The following KCNQ2 variants were observed in gnomAD, a reference collection of about 807,000 sequenced individuals.
KCNQ2 encodes potassium voltage-gated channel subfamily KQT member 2.
Under a neutral mutation model 84.8 loss-of-function variants are expected in KCNQ2, and 14 were observed. The observed-to-expected ratio is 0.17, with a 90% CI of 0.11 to 0.26. The LOEUF (loss-of-function observed/expected upper bound fraction) is 0.26. Ranked by LOEUF, KCNQ2 falls within the 10% of genes least tolerant of loss-of-function variation. The pLI, the probability that KCNQ2 is intolerant of heterozygous loss-of-function variation, is 1.00. For synonymous variants in KCNQ2, 599 were observed against 554.1 expected, an observed-to-expected ratio of 1.08 and a Z score of -1.14; for missense variants, 788 against 1,254.0, an observed-to-expected ratio of 0.63 and a Z score of 5.61.
At chr20:63,429,383 G>A (rs2080727421) in intron 9 of KCNQ2, among the ~76,000 whole-genome samples, 1 of 151,964 alleles carries the variant, frequency 6.6e-6, no homozygotes, top group Non-Finnish European at 1.5e-5. Flanking sequence ...CACCTGTGGA[G>A]CACTCCCCAC....
intron 10 of KCNQ2, among the ~76,000 whole-genome samples, chr20:63,427,503 CAG>C (rs2080667667): frequency 6.6e-6 from 1 of 152,390 alleles, no homozygotes; most frequent in East Asian, 1.9e-4. Context: ...TGTTCTTTCA[CAG>C]TCCTAGACGC....
At chr20:63,463,116 G>A (rs1184669824) in intron 1 of KCNQ2, among the ~76,000 whole-genome samples, 2 of 151,834 alleles carry the variant, frequency 1.3e-5, no homozygotes, top group South Asian at 2.1e-4. Flanking sequence ...GACCTATTCT[G>A]GAAGAACGGG....
intron 11 of KCNQ2, 114 bp downstream of exon 11, chr20:63,424,063 C>T (rs1332681751): frequency 5.8e-6 from 7 of 1,205,234 alleles, no homozygotes; most frequent in Admixed American, 4.0e-5. Context: ...CAGTCACACA[C>T]GGAAGCACAC....
chr20:63,422,250 G>C (rs2080493595), intron 11 of KCNQ2: 1 of 152,530 alleles, frequency 6.6e-6, no homozygotes, highest in South Asian at 2.1e-4. Flanking sequence ...GGCAATGATT[G>C]CGGAACAACT....
chr20:63,432,553 C>T (rs2080847381), intron 8 of KCNQ2, among the ~76,000 whole-genome samples: 1 of 144,824 alleles, frequency 6.9e-6, no homozygotes, highest in East Asian at 2.3e-4. Flanking sequence ...GAAGGCCCCA[C>T]CCTCAGGGAA....
In KCNQ2 at chr20:63,446,766, T is replaced by C. The variant is rs1318248247; in HGVS notation, c.368A>G (p.Glu123Gly). The C allele has an allele frequency of 1.2e-6, 2 of 1,613,336 alleles. No homozygotes were observed. The highest frequency in any genetic ancestry group is 2.2e-5 in the East Asian group (1 of 44,870). ...GCTCACCAGGATGTAGAGGGCCCCC[T>C]CCGAGCTCTTCTCATACTCCTTGAT... ...STIKEYEKSSEGALYILEIVT... is the reference protein window; with the variant it reads ...STIKEYEKSSGGALYILEIVT... Residue 123 changes from glutamate (E) to glycine (G), a missense_variant, in exon 2 of 17, where the codon GAG (glutamate) becomes GGG (glycine). Physicochemically the swap from Glu to Gly is moderately conservative, Grantham distance 98. This residue lies in a region of KCNQ2 where 106 missense variants were observed against 214.8 expected (regional missense o/e 0.49). Coordinates refer to ENST00000359125, the MANE Select transcript of KCNQ2 (RefSeq NM_172107.4). The surrounding 1 kb of genome is among the most constrained non-coding windows in gnomAD (Gnocchi z 5.5).
rs145896351 is a variant in KCNQ2, at chr20:63,448,802, G to T, written c.297-1965C>A. ...GGATACGCCCACCCCTGACCTGCTG[G>T]GCCGGGGCACTGGCCACAGGCATGG... is the stretch of plus-strand genomic sequence containing the variant. On this transcript the variant is annotated intron_variant, in intron 1 of 16. Transcript: ENST00000359125. Among the ~76,000 whole-genome samples the T allele has an allele frequency of 9.0e-3, 1,368 of 152,136 alleles. 20 individuals are homozygous for T. Among genetic ancestry groups the T allele is most frequent in the African/African-American group, 0.031 (1,270 of 41,484 alleles).
chr20:63,418,703 C>T (rs767961616), intron 12 of KCNQ2, among the ~76,000 whole-genome samples: 13 of 152,234 alleles, frequency 8.5e-5, no homozygotes, highest in East Asian at 1.9e-4. Context: ...GCAGCCCACA[C>T]GCCCGTCTCC....
chr20:63,455,448 G>T (rs1487182285), intron 1 of KCNQ2, among the ~76,000 whole-genome samples: 2 of 152,306 alleles, frequency 1.3e-5, no homozygotes, highest in East Asian at 3.9e-4. Context: ...GCACAGCCCA[G>T]CCCCGTGCCC....
chr20:63,443,367 T>TAC (rs2081305436), intron 4 of KCNQ2, among the ~76,000 whole-genome samples: 3 of 20,218 alleles, frequency 1.5e-4, no homozygotes, highest in Admixed American at 4.7e-4. Flanking sequence ...ACCATCACCA[T>TAC]CATCACCACC....
At chr20:63,462,093 A>G (rs1479189853) in intron 1 of KCNQ2, among the ~76,000 whole-genome samples, 90 of 77,116 alleles carry the variant, frequency 1.2e-3, no homozygotes, top group East Asian at 2.1e-3. Context: ...GGAGCAGGGA[A>G]GAGGCTGCAC....
chr20:63,437,158 G>A (rs2081033665), intron 7 of KCNQ2, among the ~76,000 whole-genome samples: 1 of 152,192 alleles, frequency 6.6e-6, no homozygotes, highest in African/African-American at 2.4e-5. Context: ...TACCGTAGTG[G>A]TCTGGAACCA....
intron 12 of KCNQ2, among the ~76,000 whole-genome samples, chr20:63,416,071 G>A (rs1250538399): frequency 6.6e-6 from 1 of 152,226 alleles, no homozygotes; most frequent in Non-Finnish European, 1.5e-5. Context: ...GTCCGTGTCA[G>A]AGAACTGCTC....
At chr20:63,418,171 C>G (rs2080356260) in intron 12 of KCNQ2, among the ~76,000 whole-genome samples, 1 of 152,216 alleles carries the variant, frequency 6.6e-6, no homozygotes, top group South Asian at 2.1e-4. Flanking sequence ...CTCGCAGGCC[C>G]TCCCTCGGCC....
At chr20:63,466,700 G>A (rs1233069208) in intron 1 of KCNQ2, 1 of 152,264 alleles carries the variant, frequency 6.6e-6, no homozygotes, top group Non-Finnish European at 1.5e-5. Flanking sequence ...AGGAAACTCG[G>A]GTCTAGGAGC....
chr20:63,437,589 A>C (rs1453428614), intron 7 of KCNQ2, among the ~76,000 whole-genome samples: 1 of 152,362 alleles, frequency 6.6e-6, no homozygotes, highest in East Asian at 1.9e-4. Context: ...CCTCTGTGTC[A>C]AATCTCCTTC....
Position 63,405,373 on chromosome 20 carries a change from G to A in KCNQ2, c.*1271C>T, listed in dbSNP as rs982484778. 5 of 152,284 alleles carry A rather than the reference G, an allele frequency of 3.3e-5. No individual in the cohort carries two copies. The highest frequency in any genetic ancestry group is 9.6e-5 in the African/African-American group (4 of 41,476). 9.4% of individuals were successfully genotyped at this position (152,284 alleles called of 1,614,324 possible). A position where few individuals can be genotyped will look rare whatever the true frequency, so the allele number is the denominator to read the frequency against. Reference sequence around the variant, plus strand: ...CCGCATTAGAGCCGCCTGCCCCAAGGGCCACGGTGCCCACAACAGGACGGG... The same window carrying A: ...CCGCATTAGAGCCGCCTGCCCCAAGAGCCACGGTGCCCACAACAGGACGGG... On this transcript the variant is annotated 3_prime_UTR_variant, in exon 17 of 17. Coordinates refer to ENST00000359125, the MANE Select transcript of KCNQ2 (RefSeq NM_172107.4).
At chr20:63,411,318 G>C (rs1045082911) in intron 15 of KCNQ2, among the ~76,000 whole-genome samples, 20 of 152,196 alleles carry the variant, frequency 1.3e-4, no homozygotes, top group Non-Finnish European at 2.4e-4. Flanking sequence ...CGTGCACGTG[G>C]CCAGGCCCAC....
At chr20:63,469,881 G>C (rs961221218) in intron 1 of KCNQ2, among the ~76,000 whole-genome samples, 1 of 152,230 alleles carries the variant, frequency 6.6e-6, no homozygotes. Flanking sequence ...GCTGGGCCAC[G>C]GGGACAGCAG....
Sources: allele counts gnomAD v4.1 joint callset (sites outside exome capture counted in the v4.1 genomes callset), GRCh38; gene constraint gnomAD v4.1.1; regional missense constraint gnomAD v4.1.1; non-coding constraint Gnocchi (gnomAD v3.1); transcripts MANE v1.5; gene names NCBI Gene and HGNC (gene_info 2026-07-23, HGNC 2026-07-21).